The following RNF220 variants were observed in gnomAD, a reference collection of about 807,000 sequenced individuals.
RNF220 encodes ring finger protein 220.
A neutral mutation model predicts 67.1 loss-of-function variants in RNF220; 7 were observed. The observed-to-expected ratio is 0.10, with a 90% CI of 0.06 to 0.20. The LOEUF is 0.20. RNF220 is among the 10% of genes least tolerant of loss of function. The pLI is 1.00. For missense variants in RNF220, 565 were observed against 740.3 expected (o/e 0.76, Z 2.75); for synonymous variants, 270 against 283.2 (o/e 0.95, Z 0.47).
chr1:44,586,430 G>T (rs570248310), intron 2 of RNF220, among the ~76,000 whole-genome samples: 1 of 152,310 alleles, frequency 6.6e-6, no homozygotes, highest in South Asian at 2.1e-4. Flanking sequence ...TAAGGATAGA[G>T]GGTGGTGTGG....
intron 2 of RNF220, among the ~76,000 whole-genome samples, chr1:44,491,483 A>G (rs12722948): frequency 0.04 from 6,049 of 152,240 alleles, 146 homozygotes; most frequent in Non-Finnish European, 0.061. Context: ...AATACAAGAG[A>G]GAACAAAAGC....
intron 2 of RNF220, among the ~76,000 whole-genome samples, chr1:44,495,833 A>T (rs1201235629): frequency 6.6e-6 from 1 of 152,224 alleles, no homozygotes; most frequent in Non-Finnish European, 1.5e-5. Flanking sequence ...CTGGGAAGAC[A>T]GACATCTGTT....
Position 44,614,316 on chromosome 1 carries a change from AGCCT to A in RNF220, c.758+26_758+29del. The stretch of plus-strand genomic sequence containing the variant: ...CCTCGAGGTAAGCCACCTCCCAGGG[AGCCT>A]GCCTGCTGGAGGAGTCCACTCAGGG... On this transcript the variant is annotated intron_variant, in intron 3 of 14. Coordinates refer to ENST00000361799, the MANE Select transcript of RNF220 (RefSeq NM_018150.4). 2 of 1,612,270 alleles carry A rather than the reference AGCCT, an allele frequency of 1.2e-6. No homozygotes were observed. The highest frequency in any genetic ancestry group is 1.7e-6 in the Non-Finnish European group (2 of 1,178,990).
intron 2 of RNF220, among the ~76,000 whole-genome samples, chr1:44,475,400 G>A (rs1417838718): frequency 2.0e-5 from 3 of 151,504 alleles, no homozygotes; most frequent in Non-Finnish European, 2.9e-5. Context: ...GTGAAACTCC[G>A]TCTCTACTAA....
chr1:44,580,900 C>A (rs897880229), intron 2 of RNF220, among the ~76,000 whole-genome samples: 1 of 152,214 alleles, frequency 6.6e-6, no homozygotes, highest in Non-Finnish European at 1.5e-5. Flanking sequence ...TGTGTCCATT[C>A]GCTGTGTGGC....
intron 2 of RNF220, among the ~76,000 whole-genome samples, chr1:44,414,853 A>C (rs1333215990): frequency 6.7e-6 from 1 of 149,770 alleles, no homozygotes; most frequent in African/African-American, 2.5e-5. Flanking sequence ...TTTTTCTTGT[A>C]CACAAGCATA....
chr1:44,575,362 A>C (rs1664731983), intron 2 of RNF220, among the ~76,000 whole-genome samples: 1 of 152,152 alleles, frequency 6.6e-6, no homozygotes, highest in Non-Finnish European at 1.5e-5. Context: ...TCATTTTTTT[A>C]ATGGCTAAAT....
chr1:44,446,974 C>G (rs935925582), intron 2 of RNF220, among the ~76,000 whole-genome samples: 1 of 152,172 alleles, frequency 6.6e-6, no homozygotes, highest in Admixed American at 6.5e-5. Flanking sequence ...AGCTCTACCT[C>G]CACTTCTTTC....
At position 44,412,896 on chromosome 1, in the gene RNF220, G is replaced by T. The variant is rs1209996054; in HGVS notation, c.625+174G>T. ...TGTCTCTTATCAGTGAGCACTGATAGTTCTTGAAATATTTTTCTGAAAGTA... is the reference window on the plus strand; with the variant it reads ...TGTCTCTTATCAGTGAGCACTGATATTTCTTGAAATATTTTTCTGAAAGTA... On this transcript the variant is annotated intron_variant, in intron 2 of 14. Coordinates refer to ENST00000361799, the MANE Select transcript of RNF220 (RefSeq NM_018150.4). This position sits in a 1 kb window ranked among gnomAD's most constrained non-coding sequence, Gnocchi z 5.3. Among the ~76,000 whole-genome samples the T allele has an allele frequency of 6.6e-6, 1 of 152,180 alleles. No homozygotes were observed. The highest frequency in any genetic ancestry group is 6.5e-5 in the Admixed American group (1 of 15,272).
At chr1:44,638,831 C>T (rs1196726763) in intron 8 of RNF220, among the ~76,000 whole-genome samples, 1 of 152,144 alleles carries the variant, frequency 6.6e-6, no homozygotes, top group African/African-American at 2.4e-5. Flanking sequence ...GTAGGTCCCA[C>T]TGGAAACAGA....
chr1:44,405,413 G>GCCGCCGCTGCCT lies in RNF220; in HGVS notation c.-228_-217dup, dbSNP rs1553208976. The GCCGCCGCTGCCT allele has an allele frequency of 1.6e-6, 1 of 634,154 alleles. No homozygotes were observed. Among genetic ancestry groups the GCCGCCGCTGCCT allele is most frequent in the African/African-American group, 1.9e-5 (1 of 53,470 alleles). 39.3% of individuals were successfully genotyped at this position (634,154 alleles called of 1,614,324 possible). A position where few individuals can be genotyped will look rare whatever the true frequency, so the allele number is the denominator to read the frequency against. On this transcript the variant is annotated 5_prime_UTR_variant, in exon 1 of 15. Coordinates refer to ENST00000361799, the MANE Select transcript of RNF220 (RefSeq NM_018150.4). ...TGCTGCTGCCGCTGCCGCCGCCGCC[G>GCCGCCGCTGCCT]CCGCCGCTGCCTCCGCCGGCTCTGC... is the stretch of plus-strand genomic sequence containing the variant.
intron 2 of RNF220, among the ~76,000 whole-genome samples, chr1:44,461,567 G>C (rs1471689075): frequency 1.3e-5 from 2 of 152,082 alleles, no homozygotes; most frequent in East Asian, 3.9e-4. Context: ...TGTTTATGTG[G>C]TTTGCGGTCT....
intron 2 of RNF220, among the ~76,000 whole-genome samples, chr1:44,438,449 TA>T (rs1651204950): frequency 6.6e-6 from 1 of 152,188 alleles, no homozygotes; most frequent in Admixed American, 6.5e-5. Flanking sequence ...TTTGTCAAAA[TA>T]ATGTTTTAAT....
chr1:44,632,433 C>T (rs1644181539), intron 6 of RNF220, 48 bp downstream of exon 6: 2 of 1,523,138 alleles, frequency 1.3e-6, no homozygotes, highest in African/African-American at 1.4e-5. Flanking sequence ...GGCCTCCTCC[C>T]TCCCTCCCTC....
At chr1:44,451,352 A>G (rs1224366662) in intron 2 of RNF220, among the ~76,000 whole-genome samples, 2 of 152,152 alleles carry the variant, frequency 1.3e-5, no homozygotes, top group South Asian at 2.1e-4. Flanking sequence ...TTGTTCTTTT[A>G]TAGATTTTCT....
At chr1:44,592,285 T>C (rs1267922035) in intron 2 of RNF220, among the ~76,000 whole-genome samples, 1 of 152,208 alleles carries the variant, frequency 6.6e-6, no homozygotes, top group Admixed American at 6.5e-5. Flanking sequence ...ACTGGCACTT[T>C]TCAGCTAGGG....
At chr1:44,593,287 G>A (rs1393817956) in intron 2 of RNF220, among the ~76,000 whole-genome samples, 1 of 152,218 alleles carries the variant, frequency 6.6e-6, no homozygotes, top group Non-Finnish European at 1.5e-5. Context: ...TGTTTTCAGT[G>A]TAGGAGTCAG....
chr1:44,415,942 G>A (rs1648487697), intron 2 of RNF220, among the ~76,000 whole-genome samples: 1 of 152,208 alleles, frequency 6.6e-6, no homozygotes, highest in South Asian at 2.1e-4. Flanking sequence ...TTAAATCTGG[G>A]TACTGGTAGG....
intron 2 of RNF220, among the ~76,000 whole-genome samples, chr1:44,562,449 C>T (rs971337552): frequency 6.6e-5 from 10 of 152,178 alleles, no homozygotes; most frequent in East Asian, 3.8e-4. Flanking sequence ...CCCTCTGCCT[C>T]GCTGACTTTG....
Sources: allele counts gnomAD v4.1 joint callset (sites outside exome capture counted in the v4.1 genomes callset), GRCh38; gene constraint gnomAD v4.1.1; non-coding constraint Gnocchi (gnomAD v3.1); transcripts MANE v1.5; gene names NCBI Gene and HGNC (gene_info 2026-07-23, HGNC 2026-07-21).